The following WWOX variants were observed in gnomAD, a reference collection of about 807,000 sequenced individuals.
WWOX encodes the protein WW domain containing oxidoreductase.
A neutral mutation model predicts 46.2 loss-of-function variants in WWOX; 69 were observed. The observed-to-expected ratio is 1.49, with a 90% CI of 1.23 to 1.82. WWOX has a LOEUF of 1.82. WWOX is among the 40% of genes most tolerant of loss of function. WWOX has a pLI of 0.00. For synonymous variants in WWOX, 359 were observed against 202.6 expected, an observed-to-expected ratio of 1.77 and a Z score of -6.56; for missense variants, 919 against 542.6, an observed-to-expected ratio of 1.69 and a Z score of -6.89.
intron 8 of WWOX, among the ~76,000 whole-genome samples, chr16:78,847,631 G>A (rs921956732): frequency 3.3e-5 from 5 of 151,996 alleles, no homozygotes; most frequent in African/African-American, 1.2e-4. Context: ...ACTGCATCTA[G>A]CCACAACTGA....
At chr16:79,144,442 C>G (rs1036902159) in intron 8 of WWOX, among the ~76,000 whole-genome samples, 2 of 152,192 alleles carry the variant, frequency 1.3e-5, no homozygotes, top group Non-Finnish European at 2.9e-5. Flanking sequence ...AGAACTGGAA[C>G]ATTCTGAAGA....
chr16:78,999,047 G>A (rs931561897), intron 8 of WWOX, among the ~76,000 whole-genome samples: 2 of 152,136 alleles, frequency 1.3e-5, no homozygotes, highest in African/African-American at 4.8e-5. Context: ...GAGACAGGCA[G>A]AGCTAGAAAT....
chr16:78,119,574 T>G (rs139721422), intron 4 of WWOX, among the ~76,000 whole-genome samples: 220 of 152,286 alleles, frequency 1.4e-3, no homozygotes, highest in Non-Finnish European at 2.2e-3. Context: ...GCAGACAGAT[T>G]TATTATCATA....
chr16:79,068,050 T>G lies in WWOX; in HGVS notation c.1057-143558T>G, dbSNP rs946097636. ...CTTTGCCTTGGCCATGGTCAGTCTTTGGGGCTATTAGCTGCATGTACAAGT... is the reference window on the plus strand; with the variant it reads ...CTTTGCCTTGGCCATGGTCAGTCTTGGGGGCTATTAGCTGCATGTACAAGT... On this transcript the variant is annotated intron_variant, in intron 8 of 8. Coordinates refer to ENST00000566780, the MANE Select transcript of WWOX (RefSeq NM_016373.4). Among the ~76,000 whole-genome samples the G allele has an allele frequency of 5.9e-5, 9 of 151,902 alleles. No homozygotes were observed. The East Asian group carries it at 1.7e-3, about 29-fold the overall frequency.
intron 8 of WWOX, among the ~76,000 whole-genome samples, chr16:78,451,749 A>T (rs572188509): frequency 2.6e-5 from 4 of 152,304 alleles, no homozygotes; most frequent in Non-Finnish European, 4.4e-5. Context: ...CTGACATCTT[A>T]CTGGTTTCTG....
At chr16:78,758,562 C>G (rs987753399) in intron 8 of WWOX, among the ~76,000 whole-genome samples, 2 of 152,196 alleles carry the variant, frequency 1.3e-5, no homozygotes, top group African/African-American at 4.8e-5. Flanking sequence ...CAACACAATT[C>G]CAAGTGCTAC....
At chr16:79,044,933 C>G (rs975436235) in intron 8 of WWOX, among the ~76,000 whole-genome samples, 1 of 152,088 alleles carries the variant, frequency 6.6e-6, no homozygotes, top group Non-Finnish European at 1.5e-5. Context: ...CATAGAGTTG[C>G]TACAATAATC....
intron 8 of WWOX, among the ~76,000 whole-genome samples, chr16:78,867,401 A>T (rs1320219393): frequency 6.6e-6 from 1 of 152,050 alleles, no homozygotes; most frequent in African/African-American, 2.4e-5. Context: ...TCTTACCTCA[A>T]CTGGTGACTC....
intron 8 of WWOX, among the ~76,000 whole-genome samples, chr16:78,783,887 G>GTAA (rs1555535028): frequency 6.6e-6 from 1 of 151,086 alleles, no homozygotes; most frequent in Non-Finnish European, 1.5e-5. Flanking sequence ...GATGATAATG[G>GTAA]TGATGATGGT....
chr16:79,161,431 G>A (rs1348938192), intron 8 of WWOX, among the ~76,000 whole-genome samples: 1 of 152,170 alleles, frequency 6.6e-6, no homozygotes, highest in Non-Finnish European at 1.5e-5. Context: ...GATGAATACT[G>A]ACTAAAGAGA....
intron 6 of WWOX, among the ~76,000 whole-genome samples, chr16:78,401,452 A>G (rs550651119): frequency 1.1e-4 from 16 of 152,044 alleles, no homozygotes; most frequent in East Asian, 5.8e-4. Context: ...TAGCCCATCA[A>G]TTGTCTAAAA....
At chr16:78,681,181 G>A (rs554070541) in intron 8 of WWOX, among the ~76,000 whole-genome samples, 4 of 152,218 alleles carry the variant, frequency 2.6e-5, no homozygotes, top group Admixed American at 6.5e-5. Flanking sequence ...CCCGAGAGGC[G>A]GAGATTGCAT....
chr16:79,068,121 T>A (rs1317416908), intron 8 of WWOX, among the ~76,000 whole-genome samples: 1 of 152,208 alleles, frequency 6.6e-6, no homozygotes, highest in Non-Finnish European at 1.5e-5. Context: ...TAACCCATTG[T>A]GGACACACCA....
intron 5 of WWOX, among the ~76,000 whole-genome samples, chr16:78,213,579 A>G (rs1157618574): frequency 6.6e-6 from 1 of 151,928 alleles, no homozygotes; most frequent in Non-Finnish European, 1.5e-5. Flanking sequence ...AATTGGTCAG[A>G]TATTGCAGGA....
At chr16:78,473,100 T>C (rs183390547) in intron 8 of WWOX, among the ~76,000 whole-genome samples, 4 of 152,340 alleles carry the variant, frequency 2.6e-5, no homozygotes, top group Admixed American at 1.3e-4. Flanking sequence ...AGTAAAGTTT[T>C]ATAGGAACAC....
chr16:78,419,374 C>G (rs1307328123), intron 6 of WWOX, among the ~76,000 whole-genome samples: 1 of 151,988 alleles, frequency 6.6e-6, no homozygotes, highest in Admixed American at 6.6e-5. Context: ...TTCCATTTCT[C>G]AATTTCAAAA....
intron 8 of WWOX, chr16:78,780,552 A>C (rs1310375370): frequency 6.6e-6 from 1 of 152,230 alleles, no homozygotes; most frequent in Non-Finnish European, 1.5e-5. Flanking sequence ...AACTGTGATG[A>C]GGGAGTTAAA....
intron 8 of WWOX, among the ~76,000 whole-genome samples, chr16:79,018,721 T>G (rs1036212010): frequency 6.6e-6 from 1 of 152,228 alleles, no homozygotes; most frequent in Non-Finnish European, 1.5e-5. Context: ...TGATTGATTC[T>G]GCAGAGCCAT....
intron 2 of WWOX, among the ~76,000 whole-genome samples, chr16:78,109,395 A>G (rs1329360538): frequency 1.3e-5 from 2 of 152,162 alleles, no homozygotes; most frequent in Admixed American, 6.5e-5. Flanking sequence ...TGCACATGAA[A>G]AAAAATGGCC....
Sources: gnomAD v4.1 joint callset for allele counts (sites outside exome capture counted in the v4.1 genomes callset) on GRCh38, gnomAD v4.1.1 for gene constraint, MANE v1.5 for transcripts, NCBI Gene and HGNC (gene_info 2026-07-23, HGNC 2026-07-21) for gene names.